EPC2: variants seen among roughly 807,000 people sequenced by gnomAD.
EPC2 encodes enhancer of polycomb homolog 2.
EPC2 carries 14 observed loss-of-function variants against 92.1 expected under a neutral mutation model. The ratio of observed to expected loss-of-function variants is 0.15; its 90% CI spans 0.10 to 0.24. The LOEUF (loss-of-function observed/expected upper bound fraction) is 0.24. Ranked by LOEUF, EPC2 falls within the 10% of genes least tolerant of loss-of-function variation. The pLI, the probability that EPC2 is intolerant of heterozygous loss-of-function variation, is 1.00. For synonymous variants in EPC2, 340 were observed against 334.7 expected, an observed-to-expected ratio of 1.02 and a Z score of -0.17; for missense variants, 755 against 971.5, an observed-to-expected ratio of 0.78 and a Z score of 2.96.
chr2:148,715,689 TTG>T (rs1682246094), intron 2 of EPC2, among the ~76,000 whole-genome samples: 1 of 152,218 alleles, frequency 6.6e-6, no homozygotes, highest in South Asian at 2.1e-4. Context: ...TTGCTTAGGA[TTG>T]TCTTGGCTAC....
intron 10 of EPC2, among the ~76,000 whole-genome samples, chr2:148,776,073 G>A (rs974027552): frequency 8.6e-5 from 13 of 151,978 alleles, no homozygotes; most frequent in Admixed American, 2.0e-4. Flanking sequence ...GAGCCACCGC[G>A]CCCGGCCAAT....
At chr2:148,691,729 C>T (rs1207755700) in intron 2 of EPC2, 1 of 1,038,784 alleles carries the variant, frequency 9.6e-7, no homozygotes, top group Admixed American at 2.0e-5. Flanking sequence ...TGCAGATCTG[C>T]TCAAGGTTCA....
At chr2:148,655,377 G>A (rs1364406214) in intron 1 of EPC2, among the ~76,000 whole-genome samples, 8 of 151,826 alleles carry the variant, frequency 5.3e-5, no homozygotes, top group Admixed American at 5.2e-4. Context: ...CATAAAATAA[G>A]GTCAGATAAA....
At chr2:148,676,954 G>A (rs1437861054) in intron 1 of EPC2, among the ~76,000 whole-genome samples, 2 of 152,002 alleles carry the variant, frequency 1.3e-5, no homozygotes, top group African/African-American at 4.8e-5. Context: ...CGTAGTGCCT[G>A]TGCTTGAGTT....
chr2:148,744,999 C>CCCCG, intron 3 of EPC2, among the ~76,000 whole-genome samples: 1 of 129,284 alleles, frequency 7.7e-6, no homozygotes, highest in Admixed American at 7.7e-5. Flanking sequence ...GCCCCCCCCC[C>CCCCG]CCGCACCATT....
chr2:148,768,426 G>A (rs183191258), intron 7 of EPC2, among the ~76,000 whole-genome samples: 2 of 152,270 alleles, frequency 1.3e-5, no homozygotes, highest in East Asian at 3.9e-4. Flanking sequence ...AATTACATAG[G>A]GATATTTGGC....
intron 10 of EPC2, among the ~76,000 whole-genome samples, chr2:148,781,013 C>A (rs1683737658): frequency 6.6e-6 from 1 of 152,164 alleles, no homozygotes; most frequent in Non-Finnish European, 1.5e-5. Context: ...GAATTTACTA[C>A]ATCTGAGGAT....
At chr2:148,651,274 T>G (rs1197093544) in intron 1 of EPC2, among the ~76,000 whole-genome samples, 2 of 152,210 alleles carry the variant, frequency 1.3e-5, no homozygotes, top group Non-Finnish European at 2.9e-5. Context: ...TTTCTGTCAA[T>G]CATTTCCTAT....
At chr2:148,694,922 G>T (rs950696089) in intron 2 of EPC2, among the ~76,000 whole-genome samples, 5 of 152,130 alleles carry the variant, frequency 3.3e-5, no homozygotes, top group Admixed American at 1.3e-4. Flanking sequence ...ACGGGTGCGT[G>T]CCACCACGCC....
intron 1 of EPC2, among the ~76,000 whole-genome samples, chr2:148,668,781 T>TC (rs1681099895): frequency 6.6e-6 from 1 of 152,136 alleles, no homozygotes; most frequent in African/African-American, 2.4e-5. Context: ...TCACTTTTTT[T>TC]CCCCCCTAAT....
At chr2:148,645,274 C>G in intron 1 of EPC2, 104 bp downstream of exon 1, 2 of 1,043,226 alleles carry the variant, frequency 1.9e-6, no homozygotes, top group South Asian at 3.2e-5. Context: ...TGGAGGGCGC[C>G]GCTGCCGCTC....
Position 148,786,490 on chromosome 2 carries a change from A to G in EPC2, c.*113A>G. ...AGAGTGTAACAATGGACCTAAATGG[A>G]CTATAGTATATTGGATGTTAAATCC... On this transcript the variant is annotated 3_prime_UTR_variant, in exon 14 of 14. Transcript: ENST00000258484. 2 of 779,952 alleles carry G rather than the reference A, an allele frequency of 2.6e-6. No homozygotes were observed. The highest frequency in any genetic ancestry group is 4.3e-6 in the Non-Finnish European group (2 of 469,276). The allele number at this position is 779,952 out of a possible 1,614,324, so 48.3% of individuals were successfully genotyped here. A position where few individuals can be genotyped will look rare whatever the true frequency, so the allele number is the denominator to read the frequency against.
intron 2 of EPC2, among the ~76,000 whole-genome samples, chr2:148,701,873 G>T (rs376543902): frequency 6.6e-6 from 1 of 151,810 alleles, no homozygotes. Context: ...TTTTTTGGGA[G>T]GTTTTTTGAT....
At chr2:148,755,424 A>G (rs973999752) in intron 4 of EPC2, among the ~76,000 whole-genome samples, 4 of 152,098 alleles carry the variant, frequency 2.6e-5, no homozygotes, top group Non-Finnish European at 4.4e-5. Context: ...AGCAGTATAC[A>G]GGCGTGAGAA....
At chr2:148,709,010 G>C (rs1682072327) in intron 2 of EPC2, among the ~76,000 whole-genome samples, 2 of 151,940 alleles carry the variant, frequency 1.3e-5, no homozygotes, top group African/African-American at 2.4e-5. Flanking sequence ...TCAGGCAAGA[G>C]AAAGAAAGAA....
chr2:148,710,848 G>T (rs1682124912), intron 2 of EPC2, among the ~76,000 whole-genome samples: 1 of 152,110 alleles, frequency 6.6e-6, no homozygotes, highest in African/African-American at 2.4e-5. Context: ...GCCTGTTGTG[G>T]GTTGGGGGGA....
intron 3 of EPC2, among the ~76,000 whole-genome samples, chr2:148,752,003 G>A (rs1159044524): frequency 6.6e-6 from 1 of 152,086 alleles, no homozygotes. Flanking sequence ...TTAACAACAC[G>A]GCAATACACA....
At chr2:148,704,450 C>T (rs1210245750) in intron 2 of EPC2, among the ~76,000 whole-genome samples, 1 of 151,984 alleles carries the variant, frequency 6.6e-6, no homozygotes, top group East Asian at 1.9e-4. Context: ...GGTGATTATG[C>T]AACATTATGA....
chr2:148,691,638 C>A, intron 2 of EPC2: 1 of 1,545,568 alleles, frequency 6.5e-7, no homozygotes, highest in Non-Finnish European at 8.8e-7. Flanking sequence ...GGGACACTAC[C>A]AACCGGAGAC....
Sources: allele counts gnomAD v4.1 joint callset (sites outside exome capture counted in the v4.1 genomes callset), GRCh38; gene constraint gnomAD v4.1.1; transcripts MANE v1.5; gene names NCBI Gene and HGNC (gene_info 2026-07-23, HGNC 2026-07-21).